The following HDAC9 variants were observed in gnomAD, a reference collection of about 807,000 sequenced individuals.
The protein encoded by HDAC9 is MEF-2 interacting transcription repressor (MITR) protein.
In HDAC9, 41 loss-of-function variants were observed where a neutral mutation model predicts 139.4. The observed-to-expected ratio is 0.29, with a 90% CI of 0.23 to 0.38. The LOEUF (loss-of-function observed/expected upper bound fraction) is 0.38, where lower values mean the gene tolerates loss of function less well. Among genes scored for constraint, HDAC9 ranks in the 10% least tolerant of loss-of-function variants. The pLI is 1.00. For synonymous variants in HDAC9, 517 were observed against 476.2 expected (o/e 1.09, Z -1.12); for missense variants, 1,147 against 1,297.0 (o/e 0.88, Z 1.78).
chr7:18,721,525 CTA>C (rs1785143834), intron 12 of HDAC9, among the ~76,000 whole-genome samples: 1 of 152,206 alleles, frequency 6.6e-6, no homozygotes, highest in African/African-American at 2.4e-5. Context: ...TCCAAGTAGT[CTA>C]TGAGTGTCTC....
At chr7:18,198,100 A>C (rs549511444) in intron 2 of HDAC9, among the ~76,000 whole-genome samples, 2 of 152,144 alleles carry the variant, frequency 1.3e-5, no homozygotes, top group Non-Finnish European at 1.5e-5. Flanking sequence ...ATCATCTTTT[A>C]TATCCCTTTT....
chr7:18,330,228 G>A (rs1800811839), intron 1 of HDAC9, among the ~76,000 whole-genome samples: 1 of 151,596 alleles, frequency 6.6e-6, no homozygotes, highest in African/African-American at 2.4e-5. Context: ...TCACACTTTA[G>A]TGAAGCTCTG....
intron 2 of HDAC9, among the ~76,000 whole-genome samples, chr7:18,267,977 C>T (rs1195072412): frequency 6.6e-6 from 1 of 152,064 alleles, no homozygotes; most frequent in Non-Finnish European, 1.5e-5. Flanking sequence ...CAATTTTACT[C>T]TTTCTTTACA....
chr7:18,584,504 T>G (rs1436431060), intron 2 of HDAC9, among the ~76,000 whole-genome samples: 1 of 152,226 alleles, frequency 6.6e-6, no homozygotes, highest in African/African-American at 2.4e-5. Context: ...TTTGTATAAA[T>G]TTAAATATTA....
chr7:18,378,743 A>C (rs1299906480), intron 1 of HDAC9, among the ~76,000 whole-genome samples: 1 of 152,130 alleles, frequency 6.6e-6, no homozygotes, highest in Non-Finnish European at 1.5e-5. Context: ...CATTTTATAA[A>C]TGCATAGCCC....
At chr7:18,391,902 T>C (rs1308440907) in intron 1 of HDAC9, among the ~76,000 whole-genome samples, 1 of 152,228 alleles carries the variant, frequency 6.6e-6, no homozygotes, top group East Asian at 1.9e-4. Context: ...GAGCCTGGTA[T>C]GTAGTAAGCA....
At chr7:18,273,055 C>G (rs1311343466) in intron 2 of HDAC9, among the ~76,000 whole-genome samples, 1 of 68,236 alleles carries the variant, frequency 1.5e-5, no homozygotes, top group Non-Finnish European at 2.6e-5. Context: ...TCCCCTTCTT[C>G]GTTTTTTTTT....
intron 1 of HDAC9, among the ~76,000 whole-genome samples, chr7:18,376,245 T>TA (rs950652859): frequency 6.6e-6 from 1 of 152,124 alleles, no homozygotes; most frequent in Non-Finnish European, 1.5e-5. Context: ...TCTGCTCAAT[T>TA]AAAAAAATTA....
chr7:18,236,970 T>G (rs1277685798), intron 2 of HDAC9, among the ~76,000 whole-genome samples: 1 of 152,222 alleles, frequency 6.6e-6, no homozygotes, highest in Admixed American at 6.5e-5. Flanking sequence ...TTTCTCAGTT[T>G]TAACAAAGAA....
chr7:18,306,071 G>A (rs984121402), intron 1 of HDAC9, among the ~76,000 whole-genome samples: 1 of 152,178 alleles, frequency 6.6e-6, no homozygotes, highest in African/African-American at 2.4e-5. Flanking sequence ...GGGGAAATGA[G>A]GCAGGGAATG....
At chr7:18,995,187 C>T (rs931654118) in intron 25 of HDAC9, among the ~76,000 whole-genome samples, 1 of 152,220 alleles carries the variant, frequency 6.6e-6, no homozygotes, top group Non-Finnish European at 1.5e-5. Flanking sequence ...GTATTTAAAT[C>T]AGCAGTTGCA....
rs1785671507 is a variant in HDAC9, at chr7:18,727,751, G to T, written c.1903G>T (p.Ala635Ser). The T allele has an allele frequency of 6.6e-7, 1 of 1,521,130 alleles. No homozygotes were observed. The highest frequency in any genetic ancestry group is 1.4e-5 in the African/African-American group (1 of 70,238). The allele number at this position is 1,521,130 out of a possible 1,614,324, so 94.2% of individuals were successfully genotyped here. ...GGACCGCCCCCTCCAGCCTGGCTCT[G>T]CAACTGGTAGGAATCCCTAAAGACT... The part of the protein sequence containing the change: ...AMDRPLQPGS[A>S]TGIAYDPLML... The change falls in exon 13 of 26, where the codon GCA (alanine) becomes TCA (serine). Residue 635 changes from alanine to serine, a missense_variant. By Grantham distance (99) the Ala-to-Ser change is moderately conservative. Transcript: ENST00000686413.
chr7:18,496,643 A>T, intron 2 of HDAC9: 1 of 270,412 alleles, frequency 3.7e-6, no homozygotes, highest in Non-Finnish European at 7.0e-6. Context: ...CTGTGTACTG[A>T]TTGTAAGCCT....
chr7:18,348,684 C>G (rs542978026), intron 1 of HDAC9, among the ~76,000 whole-genome samples: 24 of 152,216 alleles, frequency 1.6e-4, no homozygotes, highest in African/African-American at 5.5e-4. Flanking sequence ...CTTTTAGGAT[C>G]CAAAATCTCC....
chr7:18,508,416 A>T (rs990017071), intron 2 of HDAC9, among the ~76,000 whole-genome samples: 5 of 152,194 alleles, frequency 3.3e-5, no homozygotes, highest in African/African-American at 1.2e-4. Flanking sequence ...TGTGGAAAGG[A>T]TGGGGAAGCA....
At chr7:18,831,974 C>G (rs1344235629) in intron 19 of HDAC9, among the ~76,000 whole-genome samples, 2 of 152,170 alleles carry the variant, frequency 1.3e-5, no homozygotes, top group African/African-American at 4.8e-5. Flanking sequence ...AATTTGCCTA[C>G]TACTTTGGGT....
intron 13 of HDAC9, among the ~76,000 whole-genome samples, chr7:18,745,890 T>C (rs1313091430): frequency 7.1e-6 from 1 of 141,586 alleles, no homozygotes; most frequent in Non-Finnish European, 1.5e-5. Flanking sequence ...CTTCTTTTTT[T>C]TTTTTTTTTT....
chr7:18,637,379 A>C (rs1562688357), intron 8 of HDAC9, among the ~76,000 whole-genome samples: 1 of 152,110 alleles, frequency 6.6e-6, no homozygotes, highest in Non-Finnish European at 1.5e-5. Flanking sequence ...GATTTTGCTT[A>C]TACTGTTTTA....
At chr7:18,832,664 A>C (rs1250408052) in intron 19 of HDAC9, among the ~76,000 whole-genome samples, 1 of 152,174 alleles carries the variant, frequency 6.6e-6, no homozygotes, top group African/African-American at 2.4e-5. Flanking sequence ...CAAGCTTTAG[A>C]TCATACCTGA....
Sources: gnomAD v4.1 joint callset for allele counts (sites outside exome capture counted in the v4.1 genomes callset) on GRCh38, gnomAD v4.1.1 for gene constraint, MANE v1.5 for transcripts, NCBI Gene and HGNC (gene_info 2026-07-23, HGNC 2026-07-21) for gene names.